Variants in HYDIN observed in about 807,000 individuals in gnomAD.
HYDIN encodes the protein HYDIN axonemal central pair apparatus protein.
Under a neutral mutation model 403.9 loss-of-function variants are expected in HYDIN, and 132 were observed. The observed-to-expected ratio is 0.33, with a 90% CI of 0.28 to 0.38. The LOEUF is 0.38. Ranked by LOEUF, HYDIN falls within the 10% of genes least tolerant of loss-of-function variation. HYDIN has a pLI of 1.00. For synonymous variants in HYDIN, 1,202 were observed against 1,891.7 expected (o/e 0.64, Z 9.46); for missense variants, 2,827 against 5,009.5 (o/e 0.56, Z 13.15).
chr16:71,019,532 T>G (rs1186069691), intron 22 of HYDIN, among the ~76,000 whole-genome samples: 5 of 152,296 alleles, frequency 3.3e-5, no homozygotes, highest in Admixed American at 1.3e-4. Context: ...GGGCATAAGT[T>G]AGGACCCACC....
chr16:70,875,802 C>A (rs561669055), intron 62 of HYDIN, among the ~76,000 whole-genome samples: 16 of 151,800 alleles, frequency 1.1e-4, no homozygotes, highest in African/African-American at 3.4e-4. Context: ...TTTAAAGGAA[C>A]GTTATAAAAT....
intron 3 of HYDIN, among the ~76,000 whole-genome samples, chr16:71,180,441 A>G (rs2086850178): frequency 6.6e-6 from 1 of 152,078 alleles, no homozygotes; most frequent in South Asian, 2.1e-4. Flanking sequence ...AACATAAAAG[A>G]AACAACTCAA....
chr16:71,010,930 A>G (rs2080061025), intron 23 of HYDIN, among the ~76,000 whole-genome samples: 1 of 152,236 alleles, frequency 6.6e-6, no homozygotes, highest in Admixed American at 6.5e-5. Context: ...GGCCCCCTTA[A>G]GCCACACACA....
In HYDIN at chr16:70,955,051, G is replaced by A. The variant is rs1284686236; in HGVS notation, c.6316+324C>T. The stretch of plus-strand genomic sequence containing the variant: ...CTCTTTCAAAGAAGCTGGTATTTCT[G>A]TTGCAAAATTATTTTCCTCTGCTCT... On this transcript the variant is annotated intron_variant, in intron 40 of 85. Coordinates refer to ENST00000393567, the MANE Select transcript of HYDIN (RefSeq NM_001270974.2). Among the ~76,000 whole-genome samples, 3 of 152,120 alleles carry A rather than the reference G, an allele frequency of 2.0e-5. No homozygotes were observed. In the East Asian group the frequency reaches 5.8e-4, roughly 29 times the overall value.
intron 1 of HYDIN, among the ~76,000 whole-genome samples, chr16:71,190,584 G>C (rs1157208860): frequency 6.6e-6 from 1 of 152,120 alleles, no homozygotes; most frequent in East Asian, 1.9e-4. Flanking sequence ...AATAAATGCA[G>C]AAAAATCACA....
intron 78 of HYDIN, 48 bp from the exon 79 acceptor site, chr16:70,834,212 T>C (rs779894768): frequency 9.2e-6 from 14 of 1,519,066 alleles, no homozygotes; most frequent in Non-Finnish European, 1.3e-5. Context: ...GGGAGGCCCC[T>C]AAGGCCTCGG....
chr16:71,217,836 T>A (rs1285471170), intron 1 of HYDIN, among the ~76,000 whole-genome samples: 7 of 152,200 alleles, frequency 4.6e-5, no homozygotes, highest in Admixed American at 2.6e-4. Context: ...GGGAGAGCCA[T>A]TCACGCTGCT....
At chr16:71,172,533 C>A (rs1215458007) in intron 5 of HYDIN, among the ~76,000 whole-genome samples, 1 of 151,944 alleles carries the variant, frequency 6.6e-6, no homozygotes, top group African/African-American at 2.4e-5. Flanking sequence ...TTTAAAAAGT[C>A]TGAGTGAGGA....
chr16:70,897,666 C>T (rs912273664), intron 53 of HYDIN, among the ~76,000 whole-genome samples: 3 of 149,036 alleles, frequency 2.0e-5, no homozygotes, highest in Admixed American at 2.0e-4. Flanking sequence ...ATAGGAAGGA[C>T]AATTGAAGAG....
chr16:71,028,841 A>G (rs2080808013), intron 19 of HYDIN, among the ~76,000 whole-genome samples: 1 of 151,872 alleles, frequency 6.6e-6, no homozygotes, highest in African/African-American at 2.4e-5. Flanking sequence ...TTGGTAGTTT[A>G]TGGCTAACAG....
At chr16:70,980,854 C>T (rs1344233317) in intron 29 of HYDIN, among the ~76,000 whole-genome samples, 1 of 152,158 alleles carries the variant, frequency 6.6e-6, no homozygotes. Context: ...CAGAAATATT[C>T]TGCTACAAAA....
chr16:71,181,892 T>C (rs2086918972), intron 3 of HYDIN, among the ~76,000 whole-genome samples: 1 of 151,846 alleles, frequency 6.6e-6, no homozygotes, highest in South Asian at 2.1e-4. Context: ...AGTCAGGTAG[T>C]GAAAAGGCTG....
chr16:71,139,491 A>T (rs529497093), intron 7 of HYDIN, among the ~76,000 whole-genome samples: 2 of 152,288 alleles, frequency 1.3e-5, no homozygotes, highest in African/African-American at 4.8e-5. Context: ...ATGTTTAAAG[A>T]AACAAATGGA....
rs747274017 is a variant in HYDIN at position 71,186,771 on chromosome 16, ACTT to A, written c.122_124del (p.Glu41del). 25 of 1,611,700 alleles carry A rather than the reference ACTT, an allele frequency of 1.6e-5. No homozygotes were observed. Among genetic ancestry groups the A allele is most frequent in the Middle Eastern group, 1.7e-4 (1 of 6,056 alleles). On this transcript the variant is annotated inframe_deletion, in exon 2 of 86. Coordinates refer to ENST00000393567, the MANE Select transcript of HYDIN (RefSeq NM_001270974.2). Reference sequence around the variant, plus strand: ...TCCCGGATACATTACCATTCGGTTTACTTCTTCTTCTGTAACCACCTTTGGACT... The same window carrying A: ...TCCCGGATACATTACCATTCGGTTTACTTCTTCTGTAACCACCTTTGGACT...
chr16:71,199,607 A>G (rs888859580), intron 1 of HYDIN, among the ~76,000 whole-genome samples: 2 of 152,186 alleles, frequency 1.3e-5, no homozygotes, highest in African/African-American at 2.4e-5. Context: ...AAAGCCTTGA[A>G]GCAAGCTTTG....
At position 70,807,662 on chromosome 16, in the gene HYDIN, T is replaced by C; in HGVS notation, c.15284A>G (p.Lys5095Arg). ...ACCAGGAGGGCAGCTCACAGTCAGC[T>C]TGGTGGTGATGGGGGTTTTGCTGCC... is the stretch of plus-strand genomic sequence containing the variant. ...PSGSKTPITT[K>R]LTVSCPPGEG... is the part of the protein sequence containing the mutation. The change falls in exon 86 of 86, where the codon AAG (lysine) becomes AGG (arginine). Residue 5095 changes from lysine (K) to arginine (R), a missense_variant. By Grantham distance (26) the Lys-to-Arg change is conservative. Coordinates refer to ENST00000393567, the MANE Select transcript of HYDIN (RefSeq NM_001270974.2). 2 of 1,614,140 alleles carry C rather than the reference T, an allele frequency of 1.2e-6. No homozygotes were observed. The highest frequency in any genetic ancestry group is 1.7e-6 in the Non-Finnish European group (2 of 1,180,010).
chr16:71,217,139 G>T (rs1481275984), intron 1 of HYDIN, among the ~76,000 whole-genome samples: 1 of 152,088 alleles, frequency 6.6e-6, no homozygotes, highest in Admixed American at 6.5e-5. Flanking sequence ...AAAATTTAAG[G>T]TTCTCCTTTC....
At chr16:71,176,305 C>CAAA (rs530492551) in intron 4 of HYDIN, among the ~76,000 whole-genome samples, 1 of 68,860 alleles carries the variant, frequency 1.5e-5, no homozygotes, top group Admixed American at 1.7e-4. Flanking sequence ...GACTCTGTCT[C>CAAA]AAAAAAAAAA....
intron 1 of HYDIN, among the ~76,000 whole-genome samples, chr16:71,200,072 G>T (rs536725211): frequency 6.6e-6 from 1 of 152,132 alleles, no homozygotes; most frequent in East Asian, 1.9e-4. Flanking sequence ...ACCTCTGGTC[G>T]TCTTCACTGC....
Sources: allele counts gnomAD v4.1 joint callset (sites outside exome capture counted in the v4.1 genomes callset), GRCh38; gene constraint gnomAD v4.1.1; transcripts MANE v1.5; gene names NCBI Gene and HGNC (gene_info 2026-07-23, HGNC 2026-07-21).